Variants in TMEM132C observed in about 807,000 individuals in gnomAD.
TMEM132C encodes the protein transmembrane protein 132C.
Under a neutral mutation model 61.4 loss-of-function variants are expected in TMEM132C, and 29 were observed. The observed-to-expected ratio is 0.47, with a 90% confidence interval of 0.35 to 0.64. The LOEUF (loss-of-function observed/expected upper bound fraction) is 0.64, where lower values mean the gene tolerates loss of function less well. TMEM132C is among the 30% of genes least tolerant of loss of function. The pLI, the probability that TMEM132C is intolerant of heterozygous loss-of-function variation, is 0.00. For missense variants in TMEM132C, 1,408 were observed against 1,476.9 expected (o/e 0.95, Z 0.76); for synonymous variants, 656 against 633.1 (o/e 1.04, Z -0.54).
intron 2 of TMEM132C, among the ~76,000 whole-genome samples, chr12:128,510,820 C>G (rs1380796705): frequency 6.6e-6 from 1 of 152,226 alleles, no homozygotes; most frequent in Non-Finnish European, 1.5e-5. Flanking sequence ...CACAGGGCAG[C>G]CTCGCCTGGC....
chr12:128,486,807 A>T (rs1460283511), intron 2 of TMEM132C, among the ~76,000 whole-genome samples: 2 of 152,028 alleles, frequency 1.3e-5, no homozygotes, highest in East Asian at 3.9e-4. Flanking sequence ...AGAATTTGCA[A>T]CAGCTGCGGA....
rs1292949780 is a variant in TMEM132C at position 128,630,993 on chromosome 12, C to T, written c.1305+14658C>T. On this transcript the variant is annotated intron_variant, in intron 4 of 8. Coordinates refer to ENST00000435159, the MANE Select transcript of TMEM132C (RefSeq NM_001136103.3). The surrounding 1 kb of genome is among the most constrained non-coding windows in gnomAD (Gnocchi z 4.3). ...GCTGCAATGAGCCGAGATCACGCCA[C>T]TGCATTCCAGCCTGGGCAACAGAGT... Among the ~76,000 whole-genome samples the T allele has an allele frequency of 6.6e-6, 1 of 152,194 alleles. No homozygotes were observed. The highest frequency in any genetic ancestry group is 1.5e-5 in the Non-Finnish European group (1 of 68,032).
At chr12:128,606,844 A>G (rs1236434154) in intron 3 of TMEM132C, among the ~76,000 whole-genome samples, 1 of 152,168 alleles carries the variant, frequency 6.6e-6, no homozygotes, top group Non-Finnish European at 1.5e-5. Context: ...AGCTTTTCAG[A>G]GAGTAGATCT....
At chr12:128,516,422 A>G (rs751891354) in intron 2 of TMEM132C, among the ~76,000 whole-genome samples, 4 of 152,144 alleles carry the variant, frequency 2.6e-5, no homozygotes, top group Non-Finnish European at 5.9e-5. Flanking sequence ...GGGCAACTTA[A>G]TTCATGGTGG....
chr12:128,599,955 A>G (rs2135572905), intron 3 of TMEM132C, among the ~76,000 whole-genome samples: 1 of 152,220 alleles, frequency 6.6e-6, no homozygotes, highest in South Asian at 2.1e-4. Context: ...GAGTTCTCAC[A>G]AGACCTGATG....
intron 3 of TMEM132C, among the ~76,000 whole-genome samples, chr12:128,591,400 G>A (rs539460203): frequency 1.2e-3 from 188 of 152,186 alleles, no homozygotes; most frequent in Middle Eastern, 3.4e-3. Flanking sequence ...TCCACTCAGC[G>A]TCATGGTCTG....
At chr12:128,495,380 C>G (rs1225081184) in intron 2 of TMEM132C, among the ~76,000 whole-genome samples, 1 of 152,036 alleles carries the variant, frequency 6.6e-6, no homozygotes, top group African/African-American at 2.4e-5. Flanking sequence ...AGTTCAATTC[C>G]TGGATATCCT....
intron 4 of TMEM132C, among the ~76,000 whole-genome samples, chr12:128,636,954 CTGAG>C (rs979539449): frequency 5.3e-5 from 8 of 152,090 alleles, no homozygotes; most frequent in Non-Finnish European, 1.0e-4. Flanking sequence ...TTCTTTATGA[CTGAG>C]TAATATTCTA....
At chr12:128,325,723 CG>C (rs1872487960) in intron 1 of TMEM132C, among the ~76,000 whole-genome samples, 1 of 152,050 alleles carries the variant, frequency 6.6e-6, no homozygotes, top group Admixed American at 6.5e-5. Flanking sequence ...GTTTCCAGTT[CG>C]GGGCTTTCAC....
intron 1 of TMEM132C, among the ~76,000 whole-genome samples, chr12:128,339,157 A>G (rs1872878834): frequency 6.6e-6 from 1 of 151,980 alleles, no homozygotes; most frequent in Non-Finnish European, 1.5e-5. Flanking sequence ...CCTCCTTCAA[A>G]GCACTGGAGG....
chr12:128,505,096 T>G (rs1226094730), intron 2 of TMEM132C, among the ~76,000 whole-genome samples: 2 of 148,954 alleles, frequency 1.3e-5, no homozygotes, highest in Non-Finnish European at 3.0e-5. Context: ...TCAATTAGAG[T>G]CCTTTGGTTG....
rs76138735 is a variant in TMEM132C, at chr12:128,292,768, C to T, written c.85+25281C>T. On this transcript the variant is annotated intron_variant, in intron 1 of 8. Coordinates refer to ENST00000435159, the MANE Select transcript of TMEM132C (RefSeq NM_001136103.3). Reference sequence around the variant, plus strand: ...TAGGTACCCTAGTACCTAGATGAGGCACTTCATAAGTGTCTGTTAAGTGTA... The same window carrying T: ...TAGGTACCCTAGTACCTAGATGAGGTACTTCATAAGTGTCTGTTAAGTGTA... Among the ~76,000 whole-genome samples the T allele has an allele frequency of 3.0e-5, 4 of 131,642 alleles. No individual in the cohort carries two copies. The South Asian group carries it at 8.6e-4, about 28-fold the overall frequency. 86.4% of individuals were successfully genotyped at this position (131,642 alleles called of 152,430 possible).
chr12:128,278,762 G>GTC lies in TMEM132C; in HGVS notation c.85+11276_85+11277insCT, dbSNP rs1870782072. On this transcript the variant is annotated intron_variant, in intron 1 of 8. Coordinates refer to ENST00000435159, the MANE Select transcript of TMEM132C (RefSeq NM_001136103.3). This position sits in a 1 kb window ranked among gnomAD's most constrained non-coding sequence, Gnocchi z 4.2. ...ATTCTATACGTGTATGTGTGTGTGT[G>GTC]TGTGTGTGTGTGTGTGTGTGTGTGT... 6.6e-6 allele frequency among the ~76,000 whole-genome samples: 1 copy of GTC among 151,714 alleles called. No homozygotes were observed. The highest frequency in any genetic ancestry group is 1.5e-5 in the Non-Finnish European group (1 of 67,868).
chr12:128,271,392 C>T (rs1262696471), intron 1 of TMEM132C, among the ~76,000 whole-genome samples: 1 of 151,722 alleles, frequency 6.6e-6, no homozygotes, highest in Non-Finnish European at 1.5e-5. Context: ...TCATATTGTA[C>T]TCTGTAACTG....
chr12:128,651,958 T>C (rs1302997557), intron 4 of TMEM132C, among the ~76,000 whole-genome samples: 1 of 152,232 alleles, frequency 6.6e-6, no homozygotes, highest in East Asian at 1.9e-4. Context: ...AGCAGCAGCC[T>C]GGTCTCATTG....
intron 3 of TMEM132C, among the ~76,000 whole-genome samples, chr12:128,571,563 C>G (rs554111403): frequency 6.6e-6 from 1 of 152,314 alleles, no homozygotes; most frequent in South Asian, 2.1e-4. Flanking sequence ...CCCACTCCCC[C>G]TCCCCGCAGC....
chr12:128,646,788 A>C (rs893149304), intron 4 of TMEM132C, among the ~76,000 whole-genome samples: 2 of 151,470 alleles, frequency 1.3e-5, no homozygotes, highest in Admixed American at 1.3e-4. Flanking sequence ...ACCAGAGTCC[A>C]TCAGCATTGG....
At chr12:128,363,160 G>A (rs1873757529) in intron 1 of TMEM132C, among the ~76,000 whole-genome samples, 3 of 152,132 alleles carry the variant, frequency 2.0e-5, no homozygotes, top group South Asian at 4.1e-4. Flanking sequence ...TTTTTTCACT[G>A]GAAGTAACAA....
chr12:128,554,280 G>T (rs879423625), intron 3 of TMEM132C, among the ~76,000 whole-genome samples: 1 of 152,162 alleles, frequency 6.6e-6, no homozygotes, highest in Admixed American at 6.5e-5. Flanking sequence ...GTAAGGAAGC[G>T]GGTGGAATGA....
Sources: allele counts gnomAD v4.1 joint callset (sites outside exome capture counted in the v4.1 genomes callset), GRCh38; gene constraint gnomAD v4.1.1; non-coding constraint Gnocchi (gnomAD v3.1); transcripts MANE v1.5; gene names NCBI Gene and HGNC (gene_info 2026-07-23, HGNC 2026-07-21).